Variants in PPFIA1 observed in about 807,000 individuals in gnomAD.
PPFIA1 encodes the protein liprin-alpha-1.
In PPFIA1, 25 loss-of-function variants were observed where a neutral mutation model predicts 149.9. That is an observed-to-expected ratio of 0.17 (90% CI 0.12 to 0.23). PPFIA1 has a LOEUF of 0.23. Ranked by LOEUF, PPFIA1 falls within the 10% of genes least tolerant of loss-of-function variation. PPFIA1 has a pLI of 1.00. For missense variants in PPFIA1, 1,362 were observed against 1,506.5 expected (o/e 0.90, Z 1.59); for synonymous variants, 549 against 552.8 (o/e 0.99, Z 0.10).
intron 27 of PPFIA1, 65 bp downstream of exon 27, chr11:70,382,223 C>A: frequency 7.9e-7 from 1 of 1,272,066 alleles, no homozygotes; most frequent in Non-Finnish European, 1.1e-6. Flanking sequence ...ATCGGAGCTG[C>A]AGTGCCAGAC....
intron 26 of PPFIA1, 152 bp downstream of exon 26, chr11:70,378,347 C>A: frequency 7.6e-7 from 1 of 1,314,802 alleles, no homozygotes. Flanking sequence ...TTTAAATTAA[C>A]TCTAACATTT....
chr11:70,276,189 C>G (rs1283626397), intron 2 of PPFIA1, among the ~76,000 whole-genome samples: 1 of 151,966 alleles, frequency 6.6e-6, no homozygotes, highest in Non-Finnish European at 1.5e-5. Context: ...TCGCTGTAGC[C>G]TTGAACTCCT....
At chr11:70,312,979 AG>A (rs1438620558) in intron 2 of PPFIA1, among the ~76,000 whole-genome samples, 1 of 152,200 alleles carries the variant, frequency 6.6e-6, no homozygotes, top group Non-Finnish European at 1.5e-5. Flanking sequence ...AATGGCCTCA[AG>A]CTGTGAACAT....
chr11:70,325,516 G>A lies in PPFIA1; in HGVS notation c.548G>A (p.Arg183Gln), dbSNP rs758180487. The A allele has an allele frequency of 1.3e-6, 2 of 1,591,008 alleles. No homozygotes were observed. The highest frequency in any genetic ancestry group is 8.6e-7 in the Non-Finnish European group (1 of 1,159,260). ...TATTTTCAGGTGAGAGAGCGATTAC[G>A]AGTAGCACTTGAAAGATGTAGTTTG... ...ALDEKVRERL[R>Q]VALERCSLLE... Residue 183 changes from arginine (R) to glutamine (Q), a missense_variant, in exon 5 of 28, where the codon CGA (arginine) becomes CAA (glutamine). Coordinates refer to ENST00000253925, the MANE Select transcript of PPFIA1 (RefSeq NM_003626.5).
chr11:70,292,907 T>C (rs909064944), intron 2 of PPFIA1, among the ~76,000 whole-genome samples: 8 of 152,222 alleles, frequency 5.3e-5, no homozygotes, highest in Admixed American at 3.3e-4. Flanking sequence ...CACACACTTA[T>C]GGTTCTTTAA....
intron 19 of PPFIA1, 115 bp from the exon 20 acceptor site, chr11:70,361,980 T>C: frequency 1.1e-6 from 1 of 937,244 alleles, no homozygotes; most frequent in Non-Finnish European, 1.7e-6. Flanking sequence ...AGGCTGGTCT[T>C]GAACTCCTGG....
Position 70,277,060 on chromosome 11 carries a change from A to ATAATATATATATATATATATATATATTTT in PPFIA1, c.264+4625_264+4626insAATATATATATATATATATATATATTTTT. Among the ~76,000 whole-genome samples, 2 of 66,326 alleles carry ATAATATATATATATATATATATATATTTT rather than the reference A, an allele frequency of 3.0e-5. 1 individual carries two copies. The highest frequency in any genetic ancestry group is 2.3e-4 in the African/African-American group (2 of 8,514). 43.5% of individuals were successfully genotyped at this position (66,326 alleles called of 152,430 possible). On this transcript the variant is annotated intron_variant, in intron 2 of 27. Coordinates refer to ENST00000253925, the MANE Select transcript of PPFIA1 (RefSeq NM_003626.5). ...GAGATATATATATATATATATATAT[A>ATAATATATATATATATATATATATATTTT]TTTTTTTTTTTCCAGGCACAGTCTC...
At chr11:70,357,861 ACAGGCGTG>A (rs1161071372) in intron 19 of PPFIA1, among the ~76,000 whole-genome samples, 1 of 152,172 alleles carries the variant, frequency 6.6e-6, no homozygotes, top group Admixed American at 6.5e-5. Flanking sequence ...TGCTGGGATT[ACAGGCGTG>A]AGCCACCGCG....
chr11:70,321,408 A>G (rs527955788), intron 2 of PPFIA1: 32 of 152,332 alleles, frequency 2.1e-4, no homozygotes, highest in African/African-American at 7.2e-4. Context: ...CGAGACCCCA[A>G]TTCCTCTATG....
chr11:70,280,556 C>T (rs1001838684), intron 2 of PPFIA1, among the ~76,000 whole-genome samples: 4 of 151,958 alleles, frequency 2.6e-5, no homozygotes, highest in Admixed American at 6.6e-5. Context: ...GTGGCAAGAG[C>T]GAAACTCCGT....
intron 2 of PPFIA1, among the ~76,000 whole-genome samples, chr11:70,288,626 T>C (rs2051314853): frequency 6.6e-6 from 1 of 152,206 alleles, no homozygotes; most frequent in Non-Finnish European, 1.5e-5. Context: ...GATGAACAGA[T>C]ATTCCTGTGT....
intron 25 of PPFIA1, among the ~76,000 whole-genome samples, chr11:70,377,092 G>A (rs1445806306): frequency 6.7e-6 from 1 of 150,286 alleles, no homozygotes; most frequent in African/African-American, 2.4e-5. Context: ...CCCCCTCCCC[G>A]CAAAAAAAAA....
intron 21 of PPFIA1, among the ~76,000 whole-genome samples, chr11:70,371,132 T>C (rs1287924504): frequency 6.6e-6 from 1 of 152,170 alleles, no homozygotes; most frequent in East Asian, 1.9e-4. Context: ...CAATTTCCCC[T>C]TGTAATTTCT....
intron 14 of PPFIA1, among the ~76,000 whole-genome samples, chr11:70,342,935 CCTTT>C (rs1253283605): frequency 9.7e-6 from 1 of 103,126 alleles, no homozygotes; most frequent in African/African-American, 4.3e-5. Context: ...AAATGTACCA[CCTTT>C]TTTTTTTTTT....
At chr11:70,331,567 G>A (rs2054662364) in intron 8 of PPFIA1, among the ~76,000 whole-genome samples, 1 of 152,078 alleles carries the variant, frequency 6.6e-6, no homozygotes, top group South Asian at 2.1e-4. Flanking sequence ...ATCACTTGAG[G>A]TTAGGAGTTC....
At chr11:70,277,060 A>ATATTTTTTT in intron 2 of PPFIA1, among the ~76,000 whole-genome samples, 4 of 66,326 alleles carry the variant, frequency 6.0e-5, no homozygotes, top group African/African-American at 3.5e-4. Flanking sequence ...ATATATATAT[A>ATATTTTTTT]TTTTTTTTTT....
At chr11:70,370,020 T>C (rs1347888075) in intron 21 of PPFIA1, among the ~76,000 whole-genome samples, 1 of 151,834 alleles carries the variant, frequency 6.6e-6, no homozygotes. Flanking sequence ...TGGCTCAATC[T>C]CAGCTCACTG....
intron 16 of PPFIA1, among the ~76,000 whole-genome samples, chr11:70,353,718 G>A (rs987370621): frequency 6.6e-6 from 1 of 152,162 alleles, no homozygotes; most frequent in Non-Finnish European, 1.5e-5. Flanking sequence ...TGAATTTATA[G>A]TGTCCATCCA....
intron 16 of PPFIA1, chr11:70,350,109 G>T: frequency 3.0e-6 from 1 of 336,978 alleles, no homozygotes. Flanking sequence ...TTAATGGGTT[G>T]TTTTTTTCTC....
Sources: allele counts gnomAD v4.1 joint callset (sites outside exome capture counted in the v4.1 genomes callset), GRCh38; gene constraint gnomAD v4.1.1; transcripts MANE v1.5; gene names NCBI Gene and HGNC (gene_info 2026-07-23, HGNC 2026-07-21).